Variants in CCDC60 observed in about 807,000 individuals in gnomAD.
CCDC60 encodes coiled-coil domain-containing protein 60.
In CCDC60, 54 loss-of-function variants were observed where a neutral mutation model predicts 63.5. That is an observed-to-expected ratio of 0.85 (90% confidence interval 0.68 to 1.07). CCDC60 has a LOEUF of 1.07. CCDC60 is among the 50% of genes least tolerant of loss of function. The probability of loss-of-function intolerance (pLI) is 0.00; values close to 1 mark genes in which losing one functional copy is unlikely to be tolerated. For synonymous variants in CCDC60, 206 were observed against 238.8 expected (o/e 0.86, Z 1.27); for missense variants, 651 against 684.3 (o/e 0.95, Z 0.54).
chr12:119,380,034 TG>T (rs1955992390), intron 1 of CCDC60, among the ~76,000 whole-genome samples: 1 of 152,178 alleles, frequency 6.6e-6, no homozygotes, highest in South Asian at 2.1e-4. Context: ...ATCTCTGAAA[TG>T]GGCACAAATG....
intron 1 of CCDC60, among the ~76,000 whole-genome samples, chr12:119,369,032 T>TA (rs1311989302): frequency 2.6e-5 from 4 of 152,082 alleles, no homozygotes; most frequent in Admixed American, 6.5e-5. Flanking sequence ...TGTGGAAAGA[T>TA]AAGAGTCTCA....
intron 7 of CCDC60, among the ~76,000 whole-genome samples, chr12:119,513,439 C>G (rs1028496681): frequency 1.2e-4 from 19 of 152,196 alleles, no homozygotes; most frequent in Admixed American, 2.0e-4. Flanking sequence ...CTCTCCTTTT[C>G]TGGTGGGTGC....
chr12:119,364,287 G>A (rs1367044416), intron 1 of CCDC60, among the ~76,000 whole-genome samples: 4 of 151,974 alleles, frequency 2.6e-5, no homozygotes, highest in Non-Finnish European at 5.9e-5. Context: ...TTTGACGATT[G>A]TATGCACCCA....
chr12:119,414,011 G>A (rs1192014629), intron 1 of CCDC60, among the ~76,000 whole-genome samples: 1 of 151,768 alleles, frequency 6.6e-6, no homozygotes, highest in African/African-American at 2.4e-5. Flanking sequence ...ACCCTGCACT[G>A]TCTATCACTC....
intron 1 of CCDC60, among the ~76,000 whole-genome samples, chr12:119,408,272 G>A (rs1203415223): frequency 1.3e-5 from 2 of 152,134 alleles, no homozygotes; most frequent in Non-Finnish European, 2.9e-5. Flanking sequence ...GCAGCTTAAG[G>A]CAACAAACAT....
intron 1 of CCDC60, among the ~76,000 whole-genome samples, chr12:119,393,715 G>GT (rs934659130): frequency 2.0e-5 from 3 of 152,166 alleles, no homozygotes; most frequent in Non-Finnish European, 4.4e-5. Context: ...GTGGCAACTC[G>GT]TGCCCACACC....
chr12:119,433,709 CA>C, intron 2 of CCDC60: 1 of 642,356 alleles, frequency 1.6e-6, no homozygotes, highest in Middle Eastern at 2.5e-4. Flanking sequence ...CACCTTGAGC[CA>C]AACTATTTTA....
intron 11 of CCDC60, 138 bp from the exon 12 acceptor site, chr12:119,528,477 A>G: frequency 1.0e-6 from 1 of 977,498 alleles, no homozygotes; most frequent in Non-Finnish European, 1.5e-6. Flanking sequence ...GCCAGAGCCT[A>G]AGTTAAAGAT....
intron 1 of CCDC60, among the ~76,000 whole-genome samples, chr12:119,406,141 A>G (rs1006562535): frequency 1.3e-5 from 2 of 152,030 alleles, no homozygotes; most frequent in Non-Finnish European, 2.9e-5. Context: ...ATTGCACTCC[A>G]GCCTGGGCAA....
At chr12:119,466,000 G>GA (rs1298118967) in intron 2 of CCDC60, among the ~76,000 whole-genome samples, 1 of 152,078 alleles carries the variant, frequency 6.6e-6, no homozygotes, top group Non-Finnish European at 1.5e-5. Context: ...TTATTCAATG[G>GA]AAACGAAACT....
chr12:119,393,982 C>T (rs1275009061), intron 1 of CCDC60, among the ~76,000 whole-genome samples: 1 of 152,168 alleles, frequency 6.6e-6, no homozygotes, highest in African/African-American at 2.4e-5. Flanking sequence ...TGAGCTTAAG[C>T]ATTTTAGAGT....
intron 1 of CCDC60, among the ~76,000 whole-genome samples, chr12:119,399,528 G>T (rs953052604): frequency 6.6e-6 from 1 of 152,154 alleles, no homozygotes; most frequent in Non-Finnish European, 1.5e-5. Flanking sequence ...CCAACAGTGC[G>T]TGTCGGGTGC....
chr12:119,382,583 GC>G (rs2136186860), intron 1 of CCDC60, among the ~76,000 whole-genome samples: 1 of 152,260 alleles, frequency 6.6e-6, no homozygotes, highest in Non-Finnish European at 1.5e-5. Context: ...TACTGGGCTG[GC>G]CCATCACAGG....
intron 11 of CCDC60, among the ~76,000 whole-genome samples, chr12:119,526,092 G>A (rs976067896): frequency 2.0e-5 from 3 of 152,140 alleles, no homozygotes; most frequent in Non-Finnish European, 2.9e-5. Flanking sequence ...ACAGAACAGA[G>A]AGCCCAGAGT....
chr12:119,406,178 T>A (rs538633125), intron 1 of CCDC60, among the ~76,000 whole-genome samples: 186 of 88,702 alleles, frequency 2.1e-3, no homozygotes, highest in Middle Eastern at 7.4e-3. Context: ...TCTCAAAAAA[T>A]ATATATATAT....
At chr12:119,400,760 G>A (rs530118943) in intron 1 of CCDC60, among the ~76,000 whole-genome samples, 96 of 152,330 alleles carry the variant, frequency 6.3e-4, no homozygotes, top group African/African-American at 2.2e-3. Flanking sequence ...CATGGACCAC[G>A]GCTTGAGCAG....
In CCDC60 at chr12:119,361,562, G is replaced by T. The variant is rs113086878; in HGVS notation, c.90+26296G>T. ...TTTCTGTAAAGAAACATCAAGGGTC[G>T]CAAAAGAATCACCCCTGAGTTATTC... On this transcript the variant is annotated intron_variant, in intron 1 of 13. Transcript: ENST00000327554. Among the ~76,000 whole-genome samples the T allele has an allele frequency of 5.6e-3, 847 of 152,172 alleles. 5 individuals are homozygous for T. Among genetic ancestry groups the T allele is most frequent in the Non-Finnish European group, 0.01 (688 of 68,000 alleles).
chr12:119,408,912 A>G (rs1956543782), intron 1 of CCDC60, among the ~76,000 whole-genome samples: 1 of 152,192 alleles, frequency 6.6e-6, no homozygotes, highest in African/African-American at 2.4e-5. Flanking sequence ...TCTCCCAAAG[A>G]GAAGCTCACA....
intron 1 of CCDC60, among the ~76,000 whole-genome samples, chr12:119,422,873 C>T (rs1444698434): frequency 3.3e-5 from 5 of 152,044 alleles, no homozygotes; most frequent in South Asian, 2.1e-4. Context: ...AATGAATTTT[C>T]GGCATTCATT....
Sources: allele counts gnomAD v4.1 joint callset (sites outside exome capture counted in the v4.1 genomes callset), GRCh38; gene constraint gnomAD v4.1.1; transcripts MANE v1.5; gene names NCBI Gene and HGNC (gene_info 2026-07-23, HGNC 2026-07-21).